Variants in ARFGEF3 observed in about 807,000 individuals in gnomAD.
ARFGEF3 encodes the protein ARFGEF family member 3.
ARFGEF3 carries 96 observed loss-of-function variants against 221.7 expected under a neutral mutation model. The observed-to-expected ratio is 0.43, with a 90% CI of 0.37 to 0.51. The LOEUF is 0.51. Among genes scored for constraint, ARFGEF3 ranks in the 20% least tolerant of loss-of-function variants. The probability of loss-of-function intolerance (pLI) is 0.00; values close to 1 mark genes in which losing one functional copy is unlikely to be tolerated. For synonymous variants in ARFGEF3, 1,145 were observed against 1,126.8 expected (o/e 1.02, Z -0.32); for missense variants, 2,410 against 2,789.9 (o/e 0.86, Z 3.07).
chr6:138,327,093 C>T (rs559513570), intron 31 of ARFGEF3, among the ~76,000 whole-genome samples: 53 of 152,246 alleles, frequency 3.5e-4, no homozygotes, highest in African/African-American at 1.2e-3. Context: ...ACACACTGGG[C>T]ACCTGTGGGG....
chr6:138,336,537 C>T lies in ARFGEF3; in HGVS notation c.*51C>T. 7.0e-7 allele frequency: 1 copy of T among 1,437,830 alleles called. No homozygotes were observed. Among genetic ancestry groups the T allele is most frequent in the African/African-American group, 1.4e-5 (1 of 70,998 alleles). 89.1% of individuals were successfully genotyped at this position (1,437,830 alleles called of 1,614,324 possible). A position where few individuals can be genotyped will look rare whatever the true frequency, so the allele number is the denominator to read the frequency against. On this transcript the variant is annotated 3_prime_UTR_variant, in exon 34 of 34. Coordinates refer to ENST00000251691, the MANE Select transcript of ARFGEF3 (RefSeq NM_020340.5). ...AAATAACAGTAGTGAGGGTTAGAGT[C>T]CTGCCAATACAGCTGTTGCATTTTC... is the stretch of plus-strand genomic sequence containing the variant.
rs530920713 is a variant in ARFGEF3 at position 138,229,708 on chromosome 6, A to G, written c.352-76A>G. 4.9e-5 allele frequency: 55 copies of G among 1,127,062 alleles called. 1 individual carries two copies. The South Asian group carries it at 6.8e-4, about 14-fold the overall frequency. The allele number at this position is 1,127,062 out of a possible 1,614,324, so 69.8% of individuals were successfully genotyped here. On this transcript the variant is annotated intron_variant, in intron 4 of 33. Transcript: ENST00000251691. ...GGAATCATAAAAACAGGACTGCACA[A>G]ATGGCATATGAAACAACAGTGAATT...
intron 4 of ARFGEF3, among the ~76,000 whole-genome samples, chr6:138,213,335 G>A (rs894252626): frequency 2.6e-5 from 4 of 151,372 alleles, no homozygotes; most frequent in South Asian, 2.1e-4. Context: ...GTGTGAGCCT[G>A]TAGTGCCAGC....
chr6:138,242,586 A>G (rs1778412059), intron 6 of ARFGEF3, among the ~76,000 whole-genome samples: 1 of 152,190 alleles, frequency 6.6e-6, no homozygotes, highest in Non-Finnish European at 1.5e-5. Context: ...CTCTGTGCGA[A>G]ATTAACTCAC....
chr6:138,322,370 G>A (rs185092284), intron 29 of ARFGEF3, among the ~76,000 whole-genome samples: 20 of 152,210 alleles, frequency 1.3e-4, no homozygotes, highest in East Asian at 9.7e-4. Context: ...GACCCGGCCC[G>A]ATGATTCAGT....
intron 2 of ARFGEF3, among the ~76,000 whole-genome samples, chr6:138,200,055 T>A (rs1447727424): frequency 1.3e-5 from 2 of 152,218 alleles, no homozygotes; most frequent in East Asian, 3.8e-4. Context: ...GTCCCCTGTA[T>A]GCCAATTTTG....
At chr6:138,186,859 C>G (rs1250993005) in intron 2 of ARFGEF3, among the ~76,000 whole-genome samples, 2 of 147,594 alleles carry the variant, frequency 1.4e-5, no homozygotes, top group Non-Finnish European at 3.0e-5. Flanking sequence ...CCTTTCAAAG[C>G]TTTTACATAT....
chr6:138,271,508 C>T (rs1179139974), intron 12 of ARFGEF3, among the ~76,000 whole-genome samples: 1 of 152,170 alleles, frequency 6.6e-6, no homozygotes, highest in Non-Finnish European at 1.5e-5. Flanking sequence ...GATATTAACT[C>T]ATTTAATACT....
At position 138,303,277 on chromosome 6, in the gene ARFGEF3, C is replaced by CAA. The variant is rs562075034; in HGVS notation, c.3829-3969_3829-3968dup. On this transcript the variant is annotated intron_variant, in intron 22 of 33. Transcript: ENST00000251691. ...AAATAAACATGAATGAAAGTGATCA[C>CAA]AAAAAAAATGTGTTTAACATAAAAG... 4.4e-3 allele frequency among the ~76,000 whole-genome samples: 662 copies of CAA among 150,128 alleles called. 5 individuals carry two copies. The highest frequency in any genetic ancestry group is 0.015 in the African/African-American group (621 of 40,814).
At chr6:138,203,234 G>A (rs1286368284) in intron 2 of ARFGEF3, among the ~76,000 whole-genome samples, 1 of 152,164 alleles carries the variant, frequency 6.6e-6, no homozygotes, top group Admixed American at 6.5e-5. Context: ...CTGATCTTAT[G>A]AGACCAAAGG....
chr6:138,201,833 T>A (rs533003386), intron 2 of ARFGEF3, among the ~76,000 whole-genome samples: 17 of 152,332 alleles, frequency 1.1e-4, no homozygotes, highest in Middle Eastern at 3.4e-3. Flanking sequence ...AATTTTTTTT[T>A]AAAAAGTTCA....
intron 4 of ARFGEF3, chr6:138,218,051 C>T: frequency 1.2e-6 from 2 of 1,613,240 alleles, no homozygotes; most frequent in Non-Finnish European, 1.7e-6. Flanking sequence ...GACCTAGGGT[C>T]TGAGTTAACT....
At position 138,263,168 on chromosome 6, in the gene ARFGEF3, T is replaced by C. The variant is rs760132948; in HGVS notation, c.1685T>C (p.Val562Ala). 2.5e-6 allele frequency: 4 copies of C among 1,613,958 alleles called. No homozygotes were observed. Among genetic ancestry groups the C allele is most frequent in the Non-Finnish European group, 3.4e-6 (4 of 1,179,888 alleles). ...LETEAVDQPD[V>A]VQRSHTVPYP... ...ACAGAGGCGGTAGACCAGCCAGATG[T>C]CGTGCAGAGAAGCCACACGGTCCCT... is the stretch of plus-strand genomic sequence containing the variant. Residue 562 changes from valine (V) to alanine (A), a missense_variant, in exon 12 of 34, where the codon GTC (valine) becomes GCC (alanine). Physicochemically the swap from Val to Ala is moderately conservative, Grantham distance 64 (BLOSUM62 0). This residue lies in a region of ARFGEF3 where 594 missense variants were observed against 734.3 expected (regional missense o/e 0.81). Coordinates refer to ENST00000251691, the MANE Select transcript of ARFGEF3 (RefSeq NM_020340.5).
rs749738836 is a variant in ARFGEF3, at chr6:138,334,811, C to G, written c.5965C>G (p.Pro1989Ala). The G allele has an allele frequency of 1.2e-6, 2 of 1,601,608 alleles. No individual in the cohort carries two copies. Among genetic ancestry groups the G allele is most frequent in the Admixed American group, 3.5e-5 (2 of 57,954 alleles). ...GGCCGGTGGTGGGGACCTGCTGCTG[C>G]CCCCCAGCCCCAAAGTGGAGAAGAA... The part of the protein sequence containing the change: ...LKAGGGDLLL[P>A]PSPKVEKKDP... Residue 1989 changes from proline (P) to alanine (A), a missense_variant, in exon 33 of 34, where the codon CCC (proline) becomes GCC (alanine). By Grantham distance (27) the Pro-to-Ala change is conservative. Coordinates refer to ENST00000251691, the MANE Select transcript of ARFGEF3 (RefSeq NM_020340.5). The surrounding 1 kb of genome is among the most constrained non-coding windows in gnomAD (Gnocchi z 5.1).
At chr6:138,330,773 A>G (rs1283989365) in intron 32 of ARFGEF3, among the ~76,000 whole-genome samples, 1 of 152,228 alleles carries the variant, frequency 6.6e-6, no homozygotes, top group Non-Finnish European at 1.5e-5. Context: ...TTTGGGGTCA[A>G]TTATTGGTAC....
chr6:138,266,196 G>A lies in ARFGEF3; in HGVS notation c.2128+2585G>A, dbSNP rs371223668. Among the ~76,000 whole-genome samples the A allele has an allele frequency of 1.4e-4, 22 of 151,786 alleles. 1 individual carries two copies. Among genetic ancestry groups the A allele is most frequent in the Admixed American group, 4.6e-4 (7 of 15,230 alleles). ...CCACTGCCCTTCAGCCTGGGCAACC[G>A]AGCAAGACCCTGTCAAAGAAAGAGA... On this transcript the variant is annotated intron_variant, in intron 12 of 33. Transcript: ENST00000251691.
At chr6:138,203,305 C>T (rs971956662) in intron 2 of ARFGEF3, among the ~76,000 whole-genome samples, 1 of 152,206 alleles carries the variant, frequency 6.6e-6, no homozygotes, top group Non-Finnish European at 1.5e-5. Flanking sequence ...GTCTCCAACA[C>T]ATTTTAACTG....
At chr6:138,320,431 G>C (rs1053564869) in intron 28 of ARFGEF3, among the ~76,000 whole-genome samples, 3 of 152,224 alleles carry the variant, frequency 2.0e-5, no homozygotes, top group African/African-American at 7.2e-5. Context: ...TCAGCAGATG[G>C]AGAGGGACCT....
chr6:138,298,769 A>G lies in ARFGEF3; in HGVS notation c.3812A>G (p.Glu1271Gly), dbSNP rs766666245. The change falls in exon 22 of 34, where the codon GAG becomes GGG. Residue 1271 changes from glutamate to glycine, a missense_variant. By Grantham distance (98) the Glu-to-Gly change is moderately conservative. This residue lies in a region of ARFGEF3 where 723 missense variants were observed against 991.9 expected (regional missense o/e 0.73). Transcript: ENST00000251691. ...ERIMQLELCD[E>G]DVQDQVVTSI... ...ATTATGCAGCTGGAATTGTGTGATG[A>G]GGACGTCCAAGACCAGGTCAGTGTG... is the stretch of plus-strand genomic sequence containing the variant. 6.2e-7 allele frequency: 1 copy of G among 1,612,332 alleles called. No homozygotes were observed.
Sources: gnomAD v4.1 joint callset for allele counts (sites outside exome capture counted in the v4.1 genomes callset) on GRCh38, gnomAD v4.1.1 for gene constraint, gnomAD v4.1.1 regional missense constraint, Gnocchi (gnomAD v3.1) non-coding constraint, MANE v1.5 for transcripts, NCBI Gene and HGNC (gene_info 2026-07-23, HGNC 2026-07-21) for gene names.